SLC24A2: variants seen among roughly 807,000 people sequenced by gnomAD.
The protein encoded by SLC24A2 is sodium/potassium/calcium exchanger 2.
Under a neutral mutation model 62.0 loss-of-function variants are expected in SLC24A2, and 36 were observed. The observed-to-expected ratio is 0.58, with a 90% CI of 0.44 to 0.77. The LOEUF (loss-of-function observed/expected upper bound fraction) is 0.77. Among genes scored for constraint, SLC24A2 ranks in the 30% least tolerant of loss-of-function variants. The pLI is 0.00. For missense variants in SLC24A2, 846 were observed against 817.9 expected (o/e 1.03, Z -0.42); for synonymous variants, 358 against 294.0 (o/e 1.22, Z -2.23).
chr9:19,877,752 T>A, the SLC24A2 span, among the ~76,000 whole-genome samples: 2 of 151,964 alleles, frequency 1.3e-5, no homozygotes, highest in East Asian at 3.9e-4. Context: ...TCACCTGGAA[T>A]GGATATTTGG....
At chr9:19,729,994 A>C (rs1434957863) in intron 2 of SLC24A2, among the ~76,000 whole-genome samples, 3 of 152,148 alleles carry the variant, frequency 2.0e-5, no homozygotes, top group Non-Finnish European at 2.9e-5. Context: ...AATATGTACC[A>C]TTATCATTTG....
chr9:19,690,315 G>A (rs557646114), intron 2 of SLC24A2, among the ~76,000 whole-genome samples: 19 of 152,110 alleles, frequency 1.2e-4, no homozygotes, highest in East Asian at 1.2e-3. Flanking sequence ...TCCCACCCTC[G>A]GCTTCACGAG....
In SLC24A2 at chr9:19,672,152, T is replaced by C. The variant is rs575584401; in HGVS notation, c.931-49853A>G. ...TGGTACCAGTTCTTTGAATGTCTGA[T>C]AGAATTCAGCTGTGAATCCTGGACT... is the stretch of plus-strand genomic sequence containing the variant. On this transcript the variant is annotated intron_variant, in intron 2 of 10. Coordinates refer to ENST00000341998, the MANE Select transcript of SLC24A2 (RefSeq NM_020344.4). 6.1e-5 allele frequency among the ~76,000 whole-genome samples: 9 copies of C among 146,818 alleles called. 1 individual carries two copies. In the South Asian group the frequency reaches 1.5e-3, roughly 25 times the overall value.
At chr9:20,113,022 T>C in the SLC24A2 span, among the ~76,000 whole-genome samples, 1 of 152,130 alleles carries the variant, frequency 6.6e-6, no homozygotes, top group Non-Finnish European at 1.5e-5. Flanking sequence ...TTACATTAGC[T>C]GTTTGGCTAA....
chr9:19,756,901 A>C (rs1413410122), intron 2 of SLC24A2, among the ~76,000 whole-genome samples: 1 of 50,100 alleles, frequency 2.0e-5, no homozygotes, highest in Middle Eastern at 0.015. Flanking sequence ...CTTTTACTGA[A>C]GCTTTTTTTT....
the SLC24A2 span, among the ~76,000 whole-genome samples, chr9:19,800,767 T>C: frequency 2.6e-5 from 4 of 152,240 alleles, no homozygotes; most frequent in African/African-American, 9.6e-5. Flanking sequence ...AATAATGATG[T>C]AATGGACATA....
the SLC24A2 span, among the ~76,000 whole-genome samples, chr9:20,278,363 T>G: frequency 6.6e-6 from 1 of 152,218 alleles, no homozygotes; most frequent in East Asian, 1.9e-4. Context: ...ACCAAATCTT[T>G]GTGAATCAAT....
At chr9:19,874,075 C>CTTTTTTTTTTTT in the SLC24A2 span, among the ~76,000 whole-genome samples, 3 of 107,304 alleles carry the variant, frequency 2.8e-5, no homozygotes, top group Admixed American at 1.1e-4. Flanking sequence ...CTTTTCTTTT[C>CTTTTTTTTTTTT]TTTTTTTTTT....
chr9:20,052,578 T>C, the SLC24A2 span, among the ~76,000 whole-genome samples: 2 of 152,230 alleles, frequency 1.3e-5, no homozygotes, highest in Admixed American at 6.5e-5. Flanking sequence ...TATTTTCAGA[T>C]AGAGCCTCAT....
chr9:19,555,376 T>C (rs1337272810), intron 7 of SLC24A2, among the ~76,000 whole-genome samples: 1 of 152,102 alleles, frequency 6.6e-6, no homozygotes, highest in Admixed American at 6.5e-5. Flanking sequence ...TAAGATTCTT[T>C]CTGTGTTTTG....
At chr9:19,865,291 T>TA in the SLC24A2 span, among the ~76,000 whole-genome samples, 1 of 152,038 alleles carries the variant, frequency 6.6e-6, no homozygotes, top group Admixed American at 6.6e-5. Flanking sequence ...GCAATTTCTA[T>TA]AAAAATACCA....
the SLC24A2 span, among the ~76,000 whole-genome samples, chr9:19,828,020 A>G: frequency 6.2e-3 from 945 of 152,266 alleles, 13 homozygotes; most frequent in African/African-American, 0.022. Context: ...GCGAGGGATT[A>G]ATTTTTAACA....
At chr9:19,758,371 CTTTG>C (rs1376861412) in intron 2 of SLC24A2, among the ~76,000 whole-genome samples, 2 of 152,146 alleles carry the variant, frequency 1.3e-5, no homozygotes, top group South Asian at 4.1e-4. Context: ...TCCCATCACT[CTTTG>C]TTTGTCCACA....
rs552057648 is a variant in SLC24A2, at chr9:19,649,372, T to C, written c.931-27073A>G. 1.1e-4 allele frequency among the ~76,000 whole-genome samples: 17 copies of C among 152,178 alleles called. No individual in the cohort carries two copies. In the South Asian group the frequency reaches 3.5e-3, roughly 32 times the overall value. Reference sequence around the variant, plus strand: ...CAAAAATATGTTGGGTATTACAAAATTGAAAGAAAGATAGAAAATACTAGT... The same window carrying C: ...CAAAAATATGTTGGGTATTACAAAACTGAAAGAAAGATAGAAAATACTAGT... On this transcript the variant is annotated intron_variant, in intron 2 of 10. Coordinates refer to ENST00000341998, the MANE Select transcript of SLC24A2 (RefSeq NM_020344.4).
the SLC24A2 span, among the ~76,000 whole-genome samples, chr9:19,856,250 T>C: frequency 2.0e-5 from 3 of 152,200 alleles, no homozygotes; most frequent in Non-Finnish European, 2.9e-5. Flanking sequence ...CTCAGTGAAG[T>C]TCATTATTAC....
intron 2 of SLC24A2, among the ~76,000 whole-genome samples, chr9:19,776,281 A>T (rs1402794079): frequency 6.6e-6 from 1 of 152,230 alleles, no homozygotes; most frequent in African/African-American, 2.4e-5. Context: ...TGCAGTTTGA[A>T]ATCAGACAGG....
At chr9:20,272,228 C>T in the SLC24A2 span, among the ~76,000 whole-genome samples, 1 of 152,126 alleles carries the variant, frequency 6.6e-6, no homozygotes, top group Admixed American at 6.5e-5. Context: ...AAAATGAAGT[C>T]CTTTTTGAGA....
chr9:19,647,048 C>CCACA (rs1305580525), intron 2 of SLC24A2, among the ~76,000 whole-genome samples: 2 of 121,984 alleles, frequency 1.6e-5, no homozygotes, highest in African/African-American at 6.7e-5. Flanking sequence ...CTCTCTCTTT[C>CCACA]CACACACACA....
chr9:20,078,591 C>T, the SLC24A2 span, among the ~76,000 whole-genome samples: 245 of 152,308 alleles, frequency 1.6e-3, no homozygotes, highest in Non-Finnish European at 2.1e-3. Context: ...CCCAGGCAGG[C>T]CATGACTGTG....
Sources: allele counts gnomAD v4.1 joint callset (sites outside exome capture counted in the v4.1 genomes callset), GRCh38; gene constraint gnomAD v4.1.1; transcripts MANE v1.5; gene names NCBI Gene and HGNC (gene_info 2026-07-23, HGNC 2026-07-21).